Variants in CDHR3 observed in about 807,000 individuals in gnomAD.
CDHR3 encodes the protein cadherin-related family member 3.
CDHR3 carries 79 observed loss-of-function variants against 86.6 expected under a neutral mutation model. The observed-to-expected ratio is 0.91, with a 90% CI of 0.76 to 1.10. The LOEUF is 1.10. CDHR3 is among the 50% of genes least tolerant of loss of function. The pLI is 0.00. For missense variants in CDHR3, 1,081 were observed against 1,077.6 expected (o/e 1.00, Z -0.04); for synonymous variants, 421 against 402.4 (o/e 1.05, Z -0.55).
chr7:106,020,297 C>A, intron 12 of CDHR3, 76 bp from the exon 13 acceptor site: 1 of 1,270,404 alleles, frequency 7.9e-7, no homozygotes, highest in Non-Finnish European at 1.1e-6. Context: ...AAGTGCTTAG[C>A]CTGAAAACTG....
intron 9 of CDHR3, 73 bp from the exon 10 acceptor site, chr7:106,015,038 T>A (rs1347703149): frequency 8.0e-7 from 1 of 1,256,522 alleles, no homozygotes; most frequent in Non-Finnish European, 1.1e-6. Context: ...TAGCAGTATA[T>A]GAAAATGTCT....
At chr7:106,000,667 A>G (rs1585689729) in intron 6 of CDHR3, among the ~76,000 whole-genome samples, 1 of 152,186 alleles carries the variant, frequency 6.6e-6, no homozygotes, top group African/African-American at 2.4e-5. Context: ...CTCAATGTAT[A>G]GTTAGTTAAA....
At chr7:105,985,156 C>T (rs113095951) in intron 4 of CDHR3, among the ~76,000 whole-genome samples, 1 of 152,012 alleles carries the variant, frequency 6.6e-6, no homozygotes, top group Non-Finnish European at 1.5e-5. Context: ...TCTGAGACAG[C>T]GGATGTCTCT....
At chr7:106,006,114 G>A (rs1289629319) in intron 8 of CDHR3, among the ~76,000 whole-genome samples, 2 of 152,090 alleles carry the variant, frequency 1.3e-5, no homozygotes, top group Non-Finnish European at 2.9e-5. Flanking sequence ...GCTTGTGTAG[G>A]GAAACTCCTC....
At chr7:106,027,567 C>T (rs916209016) in intron 16 of CDHR3, 8 of 389,002 alleles carry the variant, frequency 2.1e-5, no homozygotes, top group African/African-American at 1.3e-4. Flanking sequence ...TCCATCTGAG[C>T]AGCTCCAGGT....
chr7:106,013,172 CTG>C lies in CDHR3; in HGVS notation c.1224+145_1224+146del, dbSNP rs370215154. The C allele has an allele frequency of 8.9e-4, 590 of 662,070 alleles. 4 individuals carry two copies. In the African/African-American group the frequency reaches 0.01, roughly 11 times the overall value. 41.0% of individuals were successfully genotyped at this position (662,070 alleles called of 1,614,324 possible). A position where few individuals can be genotyped will look rare whatever the true frequency, so the allele number is the denominator to read the frequency against. On this transcript the variant is annotated intron_variant, in intron 9 of 18. Coordinates refer to ENST00000317716, the MANE Select transcript of CDHR3 (RefSeq NM_152750.5). The stretch of plus-strand genomic sequence containing the variant: ...GTAACTGACAGGCTTAATAGTGAGT[CTG>C]TGTTCCCCATTCGCTCTTTATTTTA...
chr7:106,024,554 G>T lies in CDHR3; in HGVS notation c.2250G>T (p.Lys750Asn), dbSNP rs1433480058. 1 of 1,613,972 alleles carries T rather than the reference G, an allele frequency of 6.2e-7. No individual in the cohort carries two copies. Among genetic ancestry groups the T allele is most frequent in the South Asian group, 1.1e-5 (1 of 91,080 alleles). ...GCCCCTGCAAGACTGGGAAGAACAA[G>T]GAACCTCTGTAAGTTGCCAGTGGGC... is the stretch of plus-strand genomic sequence containing the variant. ...RHCPCKTGKN[K>N]EPLTKKGETK... Residue 750 changes from lysine to asparagine, a missense_variant, in exon 15 of 19, where the codon AAG becomes AAT. Physicochemically the swap from Lys to Asn is moderately conservative, Grantham distance 94 (BLOSUM62 0). Coordinates refer to ENST00000317716, the MANE Select transcript of CDHR3 (RefSeq NM_152750.5).
rs1437436769 is a variant in CDHR3, at chr7:106,024,572, C to T, written c.2258+10C>T. On this transcript the variant is annotated intron_variant, in intron 15 of 18. Coordinates refer to ENST00000317716, the MANE Select transcript of CDHR3 (RefSeq NM_152750.5). ...AGAACAAGGAACCTCTGTAAGTTGCCAGTGGGCTGGGCCCTCTTCCCCACC... is the reference window on the plus strand; with the variant it reads ...AGAACAAGGAACCTCTGTAAGTTGCTAGTGGGCTGGGCCCTCTTCCCCACC... The T allele has an allele frequency of 6.2e-7, 1 of 1,613,634 alleles. No homozygotes were observed. The highest frequency in any genetic ancestry group is 1.1e-5 in the South Asian group (1 of 91,038).
At chr7:106,021,721 C>T (rs1409075063) in intron 13 of CDHR3, among the ~76,000 whole-genome samples, 1 of 152,218 alleles carries the variant, frequency 6.6e-6, no homozygotes, top group African/African-American at 2.4e-5. Context: ...CAGCCATAAC[C>T]AGTGTGACCC....
intron 1 of CDHR3, among the ~76,000 whole-genome samples, chr7:105,967,648 T>G (rs1315075088): frequency 6.6e-6 from 1 of 152,236 alleles, no homozygotes; most frequent in Non-Finnish European, 1.5e-5. Flanking sequence ...ATCACCATTC[T>G]AACTGGTGTA....
chr7:106,000,090 C>T (rs10808147), intron 6 of CDHR3, among the ~76,000 whole-genome samples: 24,832 of 152,264 alleles, frequency 0.16, 2,484 homozygotes, highest in Middle Eastern at 0.27. Context: ...CCTCTTTGGC[C>T]CCATTCCACT....
chr7:105,996,975 G>A (rs1832344779), intron 6 of CDHR3, among the ~76,000 whole-genome samples: 1 of 152,126 alleles, frequency 6.6e-6, no homozygotes. Flanking sequence ...TATTGTAGAT[G>A]GGGATTTAGG....
intron 3 of CDHR3, 53 bp from the exon 4 acceptor site, chr7:105,984,139 C>G: frequency 5.2e-6 from 6 of 1,148,454 alleles, no homozygotes; most frequent in Non-Finnish European, 7.4e-6. Context: ...TTTGGAATTC[C>G]CCATTTTTGC....
At position 105,981,166 on chromosome 7, in the gene CDHR3, G is replaced by C. The variant is rs372543159; in HGVS notation, c.415+33G>C. ...ACACCAGGATGTGCACTGCAGCCCAGACAGTGGCATCAGGGAGGGCCCTGG... is the reference window on the plus strand; with the variant it reads ...ACACCAGGATGTGCACTGCAGCCCACACAGTGGCATCAGGGAGGGCCCTGG... On this transcript the variant is annotated intron_variant, in intron 3 of 18. Transcript: ENST00000317716. 5.0e-6 allele frequency: 8 copies of C among 1,599,140 alleles called. No individual in the cohort carries two copies. The African/African-American group carries it at 8.0e-5, about 16-fold the overall frequency.
At chr7:105,972,093 T>C (rs1372016792) in intron 1 of CDHR3, among the ~76,000 whole-genome samples, 1 of 152,178 alleles carries the variant, frequency 6.6e-6, no homozygotes, top group Non-Finnish European at 1.5e-5. Context: ...GACTGTTCCC[T>C]GAGTGGTATA....
intron 2 of CDHR3, 125 bp from the exon 3 acceptor site, chr7:105,980,843 G>A (rs970527855): frequency 4.6e-6 from 4 of 861,584 alleles, no homozygotes; most frequent in East Asian, 5.3e-5. Flanking sequence ...TCCTCTGACA[G>A]TGAATGAATG....
In CDHR3 at chr7:105,994,855, C is replaced by CTATTGACCTTGCATGAA. The variant is rs766819775; in HGVS notation, c.608+11_608+27dup. 3.8e-6 allele frequency: 6 copies of CTATTGACCTTGCATGAA among 1,592,488 alleles called. No homozygotes were observed. The highest frequency in any genetic ancestry group is 5.1e-6 in the Non-Finnish European group (6 of 1,165,656). ...AAGCAGGACACAGAAGGTAGTCTTG[C>CTATTGACCTTGCATGAA]TATTGACCTTGCATGAAGTACTGTT... is the stretch of plus-strand genomic sequence containing the variant. On this transcript the variant is annotated intron_variant, in intron 5 of 18. Transcript: ENST00000317716.
chr7:105,970,626 C>T (rs1173424948), intron 1 of CDHR3, among the ~76,000 whole-genome samples: 1 of 152,190 alleles, frequency 6.6e-6, no homozygotes, highest in Non-Finnish European at 1.5e-5. Context: ...CTCTAATCTT[C>T]CCTCTGCCAT....
At chr7:106,006,903 T>C (rs530505036) in intron 8 of CDHR3, among the ~76,000 whole-genome samples, 2 of 152,358 alleles carry the variant, frequency 1.3e-5, no homozygotes, top group South Asian at 2.1e-4. Context: ...TGCACTGCCC[T>C]AGCAGAGGTT....
Sources: gnomAD v4.1 joint callset for allele counts (sites outside exome capture counted in the v4.1 genomes callset) on GRCh38, gnomAD v4.1.1 for gene constraint, MANE v1.5 for transcripts, NCBI Gene and HGNC (gene_info 2026-07-23, HGNC 2026-07-21) for gene names.